Variants in RYR2 observed in about 807,000 individuals in gnomAD.
RYR2 encodes cardiac muscle ryanodine receptor-calcium release channel.
RYR2 carries 227 observed loss-of-function variants against 601.1 expected under a neutral mutation model. The observed-to-expected ratio is 0.38, with a 90% CI of 0.34 to 0.42. RYR2 has a LOEUF of 0.42. Among genes scored for constraint, RYR2 ranks in the 10% least tolerant of loss-of-function variants. The pLI, the probability that RYR2 is intolerant of heterozygous loss-of-function variation, is 1.00. For synonymous variants in RYR2, 2,223 were observed against 2,175.1 expected, an observed-to-expected ratio of 1.02 and a Z score of -0.61; for missense variants, 4,646 against 6,156.5, an observed-to-expected ratio of 0.75 and a Z score of 8.21.
At chr1:237,483,982 G>A (rs12117452) in intron 17 of RYR2, among the ~76,000 whole-genome samples, 35,996 of 152,004 alleles carry the variant, frequency 0.24, 4,408 homozygotes, top group South Asian at 0.38. Flanking sequence ...ATCTGCTGTG[G>A]ACACCGCCAA....
chr1:237,476,917 G>C (rs1407820953), intron 17 of RYR2, among the ~76,000 whole-genome samples: 1 of 152,186 alleles, frequency 6.6e-6, no homozygotes, highest in Non-Finnish European at 1.5e-5. Context: ...TTAGTTTGGA[G>C]GTGGGATACC....
intron 92 of RYR2, among the ~76,000 whole-genome samples, chr1:237,790,089 C>T (rs780382280): frequency 4.6e-5 from 7 of 152,098 alleles, no homozygotes; most frequent in Non-Finnish European, 1.0e-4. Context: ...CCTGACATAT[C>T]CACTTAAATT....
chr1:237,566,750 G>C lies in RYR2; in HGVS notation c.3398G>C (p.Arg1133Pro), dbSNP rs374397612. The C allele has an allele frequency of 2.5e-6, 4 of 1,613,866 alleles. No individual in the cohort carries two copies. In the Admixed American group the frequency reaches 6.7e-5, roughly 27 times the overall value. ...QPDQELGSDE[R>P]AFAFDGFKAQ... is the part of the protein sequence containing the mutation. ...GATCAGGAGCTTGGCTCAGATGAACGTGCCTTTGCCTTTGATGGCTTCAAG... is the reference window on the plus strand; with the variant it reads ...GATCAGGAGCTTGGCTCAGATGAACCTGCCTTTGCCTTTGATGGCTTCAAG... The change falls in exon 28 of 105, where the codon CGT (arginine) becomes CCT (proline). Residue 1133 changes from arginine (R) to proline (P), a missense_variant. Around this residue, in one of 17 missense-constraint regions of RYR2, gnomAD observed 1,807 missense variants for 2,088.1 expected, o/e 0.87. Coordinates refer to ENST00000366574, the MANE Select transcript of RYR2 (RefSeq NM_001035.3).
chr1:237,793,686 TC>T (rs2149387494), intron 94 of RYR2, among the ~76,000 whole-genome samples, 180 bp from the exon 95 acceptor site: 1 of 152,352 alleles, frequency 6.6e-6, no homozygotes, highest in East Asian at 1.9e-4. Flanking sequence ...CTTCTGTTTT[TC>T]CAAAACCTTC....
chr1:237,131,565 C>T (rs1327694220), intron 1 of RYR2, among the ~76,000 whole-genome samples: 1 of 152,004 alleles, frequency 6.6e-6, no homozygotes, highest in Admixed American at 6.6e-5. Context: ...TAATACTAGG[C>T]TTGAAGTGAT....
At chr1:237,609,305 T>TC (rs1411482411) in intron 35 of RYR2, among the ~76,000 whole-genome samples, 1 of 147,830 alleles carries the variant, frequency 6.8e-6, no homozygotes, top group African/African-American at 2.5e-5. Context: ...TCTCTCTCTC[T>TC]TTTTTTCTTT....
chr1:237,779,631 A>G (rs1694940148), intron 88 of RYR2, among the ~76,000 whole-genome samples: 1 of 152,218 alleles, frequency 6.6e-6, no homozygotes, highest in South Asian at 2.1e-4. Context: ...CAGGCCTGCA[A>G]ATGACAATAT....
At chr1:237,499,770 A>G (rs1016852128) in intron 20 of RYR2, among the ~76,000 whole-genome samples, 3 of 152,248 alleles carry the variant, frequency 2.0e-5, no homozygotes, top group Non-Finnish European at 4.4e-5. Context: ...TATTAAAAAT[A>G]CAAAGCATGT....
chr1:237,366,980 T>G (rs1448018560), intron 5 of RYR2, among the ~76,000 whole-genome samples: 1 of 152,212 alleles, frequency 6.6e-6, no homozygotes, highest in Non-Finnish European at 1.5e-5. Context: ...GAAAAAAAAG[T>G]GCTCTCTAAA....
chr1:237,442,932 C>T (rs1708036499), intron 13 of RYR2, among the ~76,000 whole-genome samples: 1 of 152,306 alleles, frequency 6.6e-6, no homozygotes, highest in African/African-American at 2.4e-5. Context: ...AAAACGCACA[C>T]TTAAATTGTT....
intron 61 of RYR2, among the ~76,000 whole-genome samples, chr1:237,679,145 A>C (rs985426758): frequency 1.3e-5 from 2 of 152,154 alleles, no homozygotes; most frequent in African/African-American, 4.8e-5. Flanking sequence ...CCATATATAT[A>C]TCTCCGGTCT....
Position 237,511,062 on chromosome 1 carries a change from A to G in RYR2, c.2719-626A>G, listed in dbSNP as rs75835930. 3.0e-3 allele frequency among the ~76,000 whole-genome samples: 463 copies of G among 152,304 alleles called. 2 individuals are homozygous for G. Among genetic ancestry groups the G allele is most frequent in the African/African-American group, 0.011 (442 of 41,566 alleles). On this transcript the variant is annotated intron_variant, in intron 23 of 104. Transcript: ENST00000366574. Reference sequence around the variant, plus strand: ...GTCTGTAATCAGTTTGGTTCTATACAGGAAAATCACTATGAATTAAAACTA... The same window carrying G: ...GTCTGTAATCAGTTTGGTTCTATACGGGAAAATCACTATGAATTAAAACTA...
At chr1:237,394,820 G>A (rs1006252570) in intron 10 of RYR2, among the ~76,000 whole-genome samples, 1 of 152,078 alleles carries the variant, frequency 6.6e-6, no homozygotes, top group Non-Finnish European at 1.5e-5. Flanking sequence ...CCTGAAACTG[G>A]GTAATTTATA....
chr1:237,377,429 G>A lies in RYR2; in HGVS notation c.570G>A (p.Arg190=). The change falls in exon 8 of 105, where the codon AGG becomes AGA. Residue 190 remains arginine (R), a synonymous_variant. Coordinates refer to ENST00000366574, the MANE Select transcript of RYR2 (RefSeq NM_001035.3). ...TCTTAGTTAGCGTGTCCTCTGAAAGGTACTTGGTAAGTGTGGAAAGTAGGA... is the reference window on the plus strand; with the variant it reads ...TCTTAGTTAGCGTGTCCTCTGAAAGATACTTGGTAAGTGTGGAAAGTAGGA... ...DLILVSVSSE[R]YLHLSYGNGS... is the part of the protein sequence containing the mutation. 1.2e-6 allele frequency: 2 copies of A among 1,612,452 alleles called. No homozygotes were observed. The highest frequency in any genetic ancestry group is 2.2e-5 in the South Asian group (2 of 91,028).
intron 56 of RYR2, among the ~76,000 whole-genome samples, chr1:237,663,920 G>C (rs1257370957): frequency 6.6e-6 from 1 of 152,130 alleles, no homozygotes; most frequent in Non-Finnish European, 1.5e-5. Flanking sequence ...ATATACAATA[G>C]AGTATATAAG....
intron 32 of RYR2, among the ~76,000 whole-genome samples, chr1:237,593,020 C>CA (rs34581689): frequency 0.41 from 46,780 of 113,626 alleles, 9,877 homozygotes; most frequent in Admixed American, 0.52. Context: ...GAGTCTATCT[C>CA]AAAAAAAAAA....
chr1:237,703,709 T>G (rs1688145904), intron 66 of RYR2, among the ~76,000 whole-genome samples: 1 of 150,960 alleles, frequency 6.6e-6, no homozygotes, highest in African/African-American at 2.4e-5. Context: ...TTTGACATAA[T>G]CAATCAATTA....
At chr1:237,249,689 T>C (rs935391229) in intron 1 of RYR2, among the ~76,000 whole-genome samples, 6 of 152,228 alleles carry the variant, frequency 3.9e-5, no homozygotes, top group Admixed American at 6.5e-5. Flanking sequence ...CACTCTAGCA[T>C]TGGCCTCAAA....
At chr1:237,098,261 A>G (rs1224414170) in intron 1 of RYR2, among the ~76,000 whole-genome samples, 1 of 152,228 alleles carries the variant, frequency 6.6e-6, no homozygotes, top group African/African-American at 2.4e-5. Flanking sequence ...TTATTGAGGT[A>G]TAATTGACAA....
Sources: allele counts gnomAD v4.1 joint callset (sites outside exome capture counted in the v4.1 genomes callset), GRCh38; gene constraint gnomAD v4.1.1; regional missense constraint gnomAD v4.1.1; transcripts MANE v1.5; gene names NCBI Gene and HGNC (gene_info 2026-07-23, HGNC 2026-07-21).